The following SANBR variants were observed in gnomAD, a reference collection of about 807,000 sequenced individuals.
SANBR encodes the protein SANT and BTB domain regulator of CSR.
In SANBR, 77 loss-of-function variants were observed where a neutral mutation model predicts 101.8. That is an observed-to-expected ratio of 0.76 (90% confidence interval 0.63 to 0.91). SANBR has a LOEUF of 0.91. Among genes scored for constraint, SANBR ranks in the 40% least tolerant of loss-of-function variants. The pLI is 0.00. For missense variants in SANBR, 875 were observed against 853.0 expected, an observed-to-expected ratio of 1.03 and a Z score of -0.32; for synonymous variants, 279 against 274.7, an observed-to-expected ratio of 1.02 and a Z score of -0.15.
At chr2:61,092,694 A>C in intron 11 of SANBR, 107 bp downstream of exon 11, 1 of 944,788 alleles carries the variant, frequency 1.1e-6, no homozygotes, top group South Asian at 2.5e-5. Context: ...ACAATATCCA[A>C]CATCTTTTTA....
chr2:61,083,895 A>G (rs1199230574), intron 8 of SANBR, among the ~76,000 whole-genome samples: 1 of 151,660 alleles, frequency 6.6e-6, no homozygotes, highest in Non-Finnish European at 1.5e-5. Context: ...TTTTGTAGAG[A>G]CAGGGTCTCA....
downstream of SANBR, among the ~76,000 whole-genome samples, chr2:61,125,521 G>C (rs1264894887): frequency 6.6e-6 from 1 of 152,226 alleles, no homozygotes; most frequent in Non-Finnish European, 1.5e-5. Context: ...AGGGAACTAT[G>C]TGGTAGGGAG....
chr2:61,083,317 A>G lies in SANBR; in HGVS notation c.890+3A>G. 1 of 1,551,736 alleles carries G rather than the reference A, an allele frequency of 6.4e-7. No homozygotes were observed. Among genetic ancestry groups the G allele is most frequent in the Non-Finnish European group, 8.8e-7 (1 of 1,131,608 alleles). On this transcript the variant is annotated splice_donor_region_variant and intron_variant, in intron 8 of 21. Transcript: ENST00000402291. ...GACAAAAAAGATAAATTTAAAAGGT[A>G]ATTTCAAAAGTTTAATTTTAAACCT...
intron 7 of SANBR, among the ~76,000 whole-genome samples, chr2:61,082,410 T>C (rs1682181789): frequency 6.6e-6 from 1 of 152,172 alleles, no homozygotes; most frequent in Admixed American, 6.5e-5. Flanking sequence ...TGTAGAGGTA[T>C]GTTGTAGAGG....
intron 5 of SANBR, 112 bp from the exon 6 acceptor site, chr2:61,076,808 T>A: frequency 1.4e-6 from 1 of 708,100 alleles, no homozygotes; most frequent in South Asian, 1.9e-5. Flanking sequence ...AACTGATTTG[T>A]GTTCAGAATT....
chr2:61,134,340 T>C (rs1684781760), intron 21 of SANBR: 1 of 1,451,820 alleles, frequency 6.9e-7, no homozygotes, highest in Non-Finnish European at 9.2e-7. Context: ...GAAATAACTG[T>C]ATTGTGCTTA....
At chr2:61,120,825 CTT>C (rs1684300256) in intron 20 of SANBR, among the ~76,000 whole-genome samples, 1 of 152,140 alleles carries the variant, frequency 6.6e-6, no homozygotes, top group Non-Finnish European at 1.5e-5. Context: ...TATGATTCTA[CTT>C]ATATAATGTT....
chr2:61,081,938 C>T (rs1035186908), intron 7 of SANBR, among the ~76,000 whole-genome samples: 16 of 152,120 alleles, frequency 1.1e-4, no homozygotes, highest in Non-Finnish European at 2.1e-4. Flanking sequence ...TGTGAGCCAC[C>T]GCACCCAGCC....
At chr2:61,098,705 T>C (rs1283840200) in intron 12 of SANBR, among the ~76,000 whole-genome samples, 1 of 152,214 alleles carries the variant, frequency 6.6e-6, no homozygotes, top group Non-Finnish European at 1.5e-5. Flanking sequence ...GAAAATGTTA[T>C]GTAATTAAAT....
intron 12 of SANBR, 137 bp downstream of exon 12, chr2:61,097,989 CTCT>C: frequency 3.4e-6 from 2 of 580,064 alleles, no homozygotes; most frequent in Non-Finnish European, 5.5e-6. Context: ...CATTTTCCAT[CTCT>C]TCTTAGAGAT....
chr2:61,076,376 G>C (rs1681776849), intron 5 of SANBR, among the ~76,000 whole-genome samples: 1 of 149,616 alleles, frequency 6.7e-6, no homozygotes, highest in South Asian at 2.1e-4. Context: ...CCAGCACTTT[G>C]GGAGGCCAAG....
intron 6 of SANBR, among the ~76,000 whole-genome samples, chr2:61,080,422 A>G (rs893595950): frequency 1.3e-5 from 2 of 151,630 alleles, no homozygotes; most frequent in Non-Finnish European, 2.9e-5. Context: ...TCCCTTCACC[A>G]TTTGTGTTTA....
At chr2:61,069,553 G>T (rs528233836) in intron 2 of SANBR, 1 of 152,416 alleles carries the variant, frequency 6.6e-6, no homozygotes, top group Non-Finnish European at 1.5e-5. Flanking sequence ...TTTGGAGATT[G>T]TATTCCCAAC....
downstream of SANBR, among the ~76,000 whole-genome samples, chr2:61,126,769 CAAA>C (rs34858449): frequency 0.073 from 7,920 of 109,122 alleles, 843 homozygotes; most frequent in African/African-American, 0.24. Context: ...GCCACTGTCT[CAAA>C]AAAAAAAAAA....
chr2:61,098,057 TTATA>T (rs61325986), intron 12 of SANBR, among the ~76,000 whole-genome samples: 12 of 142,068 alleles, frequency 8.4e-5, no homozygotes, highest in Admixed American at 1.4e-4. Flanking sequence ...CAGGCACAAA[TTATA>T]TATATATATA....
At chr2:61,086,669 C>G (rs1003363116) in intron 8 of SANBR, among the ~76,000 whole-genome samples, 1 of 151,968 alleles carries the variant, frequency 6.6e-6, no homozygotes, top group African/African-American at 2.4e-5. Context: ...AACTTTTTTC[C>G]GGATGTTTTA....
intron 10 of SANBR, chr2:61,090,826 TC>T (rs1682714115): frequency 1.3e-5 from 2 of 152,366 alleles, no homozygotes; most frequent in Non-Finnish European, 2.9e-5. Context: ...TCTTCCCACT[TC>T]AGCCTCTCAA....
intron 5 of SANBR, among the ~76,000 whole-genome samples, chr2:61,075,986 T>C (rs988747403): frequency 2.1e-4 from 31 of 148,920 alleles, no homozygotes; most frequent in African/African-American, 7.9e-4. Flanking sequence ...TTATAAACTT[T>C]ATTTATTTAT....
At chr2:61,134,867 C>A (rs995041443) in intron 21 of SANBR, among the ~76,000 whole-genome samples, 7 of 152,022 alleles carry the variant, frequency 4.6e-5, no homozygotes, top group Non-Finnish European at 7.4e-5. Flanking sequence ...GCACTCCAGC[C>A]TTGCAACAGA....
Sources: gnomAD v4.1 joint callset for allele counts (sites outside exome capture counted in the v4.1 genomes callset) on GRCh38, gnomAD v4.1.1 for gene constraint, MANE v1.5 for transcripts, NCBI Gene and HGNC (gene_info 2026-07-23, HGNC 2026-07-21) for gene names.